ANKRD31: variants seen among roughly 807,000 people sequenced by gnomAD.
The protein encoded by ANKRD31 is ankyrin repeat domain-containing protein 31.
ANKRD31 carries 147 observed loss-of-function variants against 186.0 expected under a neutral mutation model. The ratio of observed to expected loss-of-function variants is 0.79; its 90% confidence interval spans 0.69 to 0.91. The LOEUF is 0.91. Among genes scored for constraint, ANKRD31 ranks in the 40% least tolerant of loss-of-function variants. ANKRD31 has a pLI of 0.00. For missense variants in ANKRD31, 1,986 were observed against 2,148.8 expected, an observed-to-expected ratio of 0.92 and a Z score of 1.50; for synonymous variants, 673 against 736.4, an observed-to-expected ratio of 0.91 and a Z score of 1.39.
chr5:75,118,348 T>C lies in ANKRD31; in HGVS notation c.3877-51A>G, dbSNP rs926362467. The C allele has an allele frequency of 3.8e-6, 5 of 1,323,086 alleles. No homozygotes were observed. The Admixed American group carries it at 1.8e-4, about 48-fold the overall frequency. The allele number at this position is 1,323,086 out of a possible 1,614,324, so 82.0% of individuals were successfully genotyped here. ...CTCTACAGACACCAAAGATGAATAA[T>C]TTCTGTTTTCATCACAAACACCACT... On this transcript the variant is annotated intron_variant, in intron 17 of 25. Transcript: ENST00000506364.
chr5:75,220,319 A>C (rs1277353779), intron 3 of ANKRD31, among the ~76,000 whole-genome samples: 1 of 152,166 alleles, frequency 6.6e-6, no homozygotes, highest in Non-Finnish European at 1.5e-5. Context: ...ACTTACAAAA[A>C]TGTACAGGCA....
Position 75,193,485 on chromosome 5 carries a change from C to A in ANKRD31, c.1124G>T (p.Ser375Ile). The A allele has an allele frequency of 6.5e-7, 1 of 1,537,250 alleles. No individual in the cohort carries two copies. Among genetic ancestry groups the A allele is most frequent in the East Asian group, 2.4e-5 (1 of 40,902 alleles). Reference sequence around the variant, plus strand: ...CACACACGCAGTTTCCTGATCAGAGCTATTTGTCACTGAATTTGAATTTCT... The same window carrying A: ...CACACACGCAGTTTCCTGATCAGAGATATTTGTCACTGAATTTGAATTTCT... ...NKRNSNSVTN[S>I]SDQETACVLR... Residue 375 changes from serine (S) to isoleucine (I), a missense_variant, in exon 8 of 26, where the codon AGC becomes ATC. Coordinates refer to ENST00000506364, the MANE Select transcript of ANKRD31 (RefSeq NM_001372053.1).
chr5:75,163,169 CA>C (rs1752685583), intron 11 of ANKRD31, among the ~76,000 whole-genome samples: 1 of 152,150 alleles, frequency 6.6e-6, no homozygotes, highest in Non-Finnish European at 1.5e-5. Context: ...TTTTGAAGTA[CA>C]AGTTTAATAT....
chr5:75,159,961 C>T (rs973133647), intron 11 of ANKRD31, among the ~76,000 whole-genome samples: 7 of 151,916 alleles, frequency 4.6e-5, no homozygotes, highest in African/African-American at 1.7e-4. Context: ...AGAGGCAGAT[C>T]AGAATAAAGC....
At chr5:75,199,202 T>C (rs999767130) in intron 6 of ANKRD31, among the ~76,000 whole-genome samples, 3 of 152,132 alleles carry the variant, frequency 2.0e-5, no homozygotes, top group African/African-American at 4.8e-5. Context: ...AGTGAGACTT[T>C]ATCTCACTGG....
intron 17 of ANKRD31, among the ~76,000 whole-genome samples, chr5:75,120,819 AG>A (rs1748703304): frequency 6.6e-6 from 1 of 152,206 alleles, no homozygotes; most frequent in South Asian, 2.1e-4. Flanking sequence ...AGATATAGAT[AG>A]GCAGAATGGA....
chr5:75,184,026 GATC>G (rs761386419), intron 10 of ANKRD31, among the ~76,000 whole-genome samples: 3 of 151,694 alleles, frequency 2.0e-5, no homozygotes, highest in African/African-American at 2.4e-5. Context: ...TTAATGAGAA[GATC>G]ATCATATTGA....
rs537186038 is a variant in ANKRD31 at position 75,181,947 on chromosome 5, TA to T, written c.1564+6545del. 4.2e-3 allele frequency among the ~76,000 whole-genome samples: 624 copies of T among 150,244 alleles called. 9 individuals carry two copies. The highest frequency in any genetic ancestry group is 0.015 in the African/African-American group (598 of 40,788). ...TGGTAGACTCAAAAAAAATAAAAAA[TA>T]AAAAAAATAAAACACACTGTTGTCT... On this transcript the variant is annotated intron_variant, in intron 10 of 25. Coordinates refer to ENST00000506364, the MANE Select transcript of ANKRD31 (RefSeq NM_001372053.1).
At chr5:75,185,551 C>T (rs924321382) in intron 10 of ANKRD31, among the ~76,000 whole-genome samples, 1 of 151,928 alleles carries the variant, frequency 6.6e-6, no homozygotes, top group African/African-American at 2.4e-5. Context: ...AGTGAGATTC[C>T]ATCTCACACA....
intron 22 of ANKRD31, among the ~76,000 whole-genome samples, chr5:75,098,539 G>A (rs1189270726): frequency 1.3e-5 from 2 of 151,076 alleles, no homozygotes; most frequent in African/African-American, 4.9e-5. Flanking sequence ...CCATTTTCAC[G>A]ATATTGATTC....
At chr5:75,086,381 A>T (rs1361754441) in intron 23 of ANKRD31, among the ~76,000 whole-genome samples, 2 of 152,230 alleles carry the variant, frequency 1.3e-5, no homozygotes, top group African/African-American at 4.8e-5. Flanking sequence ...TGTGCATTTC[A>T]TATTAATGTC....
In ANKRD31 at chr5:75,108,284, T is replaced by C. The variant is rs1336039983; in HGVS notation, c.4244-667A>G. Among the ~76,000 whole-genome samples, 3 of 152,236 alleles carry C rather than the reference T, an allele frequency of 2.0e-5. No homozygotes were observed. The East Asian group carries it at 5.8e-4, about 29-fold the overall frequency. On this transcript the variant is annotated intron_variant, in intron 20 of 25. Coordinates refer to ENST00000506364, the MANE Select transcript of ANKRD31 (RefSeq NM_001372053.1). The stretch of plus-strand genomic sequence containing the variant: ...CATTTATAACATTTACATTGTACTA[T>C]ATGATACCTAAGGTCACCTATAGAT...
chr5:75,230,397 C>CTAT (rs1361798471), intron 2 of ANKRD31, among the ~76,000 whole-genome samples, 165 bp downstream of exon 2: 2 of 152,154 alleles, frequency 1.3e-5, no homozygotes, highest in Non-Finnish European at 2.9e-5. Flanking sequence ...CAGAAATATG[C>CTAT]TATAAAAACT....
At chr5:75,218,941 G>A (rs1757129963) in intron 3 of ANKRD31, among the ~76,000 whole-genome samples, 1 of 152,112 alleles carries the variant, frequency 6.6e-6, no homozygotes, top group African/African-American at 2.4e-5. Flanking sequence ...ATCCCTTCAT[G>A]TTAAAAACCC....
chr5:75,181,846 G>T (rs1334540834), intron 10 of ANKRD31, among the ~76,000 whole-genome samples: 1 of 151,352 alleles, frequency 6.6e-6, no homozygotes, highest in Non-Finnish European at 1.5e-5. Flanking sequence ...TAACAAACCT[G>T]CACATTGTGC....
chr5:75,228,048 T>G (rs1429994265), intron 2 of ANKRD31, among the ~76,000 whole-genome samples: 1 of 152,228 alleles, frequency 6.6e-6, no homozygotes, highest in Admixed American at 6.5e-5. Flanking sequence ...CCAAAAAGGT[T>G]GGGGACCGCT....
intron 2 of ANKRD31, among the ~76,000 whole-genome samples, chr5:75,225,111 G>A (rs1392495240): frequency 6.6e-6 from 1 of 152,158 alleles, no homozygotes; most frequent in Non-Finnish European, 1.5e-5. Context: ...TAGGGAGAAG[G>A]AGACATCTTT....
chr5:75,146,600 T>C lies in ANKRD31; in HGVS notation c.2811A>G (p.Lys937=). The change falls in exon 14 of 26, where the codon AAA becomes AAG. Residue 937 remains lysine (K), a synonymous_variant. Coordinates refer to ENST00000506364, the MANE Select transcript of ANKRD31 (RefSeq NM_001372053.1). ...HYNFKENLTN[K]KEMGFQQFLL... ...AAAACTGTTGGAAACCCATTTCTTT[T>C]TTATTTGTTAAATTCTCCTTAAAAT... 1.3e-6 allele frequency: 2 copies of C among 1,535,278 alleles called. No homozygotes were observed. The highest frequency in any genetic ancestry group is 1.7e-6 in the Non-Finnish European group (2 of 1,146,084).
intron 10 of ANKRD31, among the ~76,000 whole-genome samples, chr5:75,179,118 A>C (rs1402426330): frequency 2.0e-5 from 3 of 152,178 alleles, no homozygotes; most frequent in Admixed American, 1.3e-4. Context: ...CTATGCAAAT[A>C]AACTAGAAAA....
Sources: allele counts gnomAD v4.1 joint callset (sites outside exome capture counted in the v4.1 genomes callset), GRCh38; gene constraint gnomAD v4.1.1; transcripts MANE v1.5; gene names NCBI Gene and HGNC (gene_info 2026-07-23, HGNC 2026-07-21).